MACROD2: variants seen among roughly 807,000 people sequenced by gnomAD.
MACROD2 encodes ADP-ribose glycohydrolase MACROD2.
Under a neutral mutation model 70.4 loss-of-function variants are expected in MACROD2, and 36 were observed. The ratio of observed to expected loss-of-function variants is 0.51; its 90% CI spans 0.39 to 0.68. MACROD2 has a LOEUF of 0.68. Ranked by LOEUF, MACROD2 falls within the 30% of genes least tolerant of loss-of-function variation. The probability of loss-of-function intolerance (pLI) is 0.00; values close to 1 mark genes in which losing one functional copy is unlikely to be tolerated. For missense variants in MACROD2, 496 were observed against 538.4 expected, an observed-to-expected ratio of 0.92 and a Z score of 0.78; for synonymous variants, 172 against 178.8, an observed-to-expected ratio of 0.96 and a Z score of 0.30.
chr20:15,701,945 T>C (rs904718374), intron 8 of MACROD2, among the ~76,000 whole-genome samples: 1 of 152,234 alleles, frequency 6.6e-6, no homozygotes, highest in Non-Finnish European at 1.5e-5. Context: ...ATTAATTTGC[T>C]TATGATAATG....
intron 5 of MACROD2, among the ~76,000 whole-genome samples, chr20:14,741,480 A>G (rs902012872): frequency 2.6e-5 from 4 of 152,252 alleles, no homozygotes; most frequent in African/African-American, 7.2e-5. Flanking sequence ...TCATTCTACT[A>G]TATGCAATCC....
intron 2 of MACROD2, among the ~76,000 whole-genome samples, chr20:14,077,899 T>C (rs1381043120): frequency 2.6e-5 from 4 of 151,072 alleles, no homozygotes; most frequent in African/African-American, 7.3e-5. Flanking sequence ...TTTTTCTTTT[T>C]TTTTTTTTTT....
chr20:14,897,950 TG>T (rs2073850132), intron 5 of MACROD2, among the ~76,000 whole-genome samples: 1 of 152,106 alleles, frequency 6.6e-6, no homozygotes, highest in South Asian at 2.1e-4. Flanking sequence ...TCTGCCCTCA[TG>T]AACCAATCAT....
At chr20:14,756,955 T>G (rs2071949337) in intron 5 of MACROD2, among the ~76,000 whole-genome samples, 1 of 152,090 alleles carries the variant, frequency 6.6e-6, no homozygotes, top group Non-Finnish European at 1.5e-5. Context: ...ATGTGAAGAA[T>G]GACATGTTTG....
intron 5 of MACROD2, among the ~76,000 whole-genome samples, chr20:15,137,532 G>A (rs1266782674): frequency 1.4e-3 from 185 of 133,080 alleles, no homozygotes; most frequent in African/African-American, 5.3e-3. Context: ...ACACAGGAAA[G>A]GGAACATCAC....
In MACROD2 at chr20:14,996,355, T is replaced by G. The variant is rs377666815; in HGVS notation, c.419-233585T>G. Among the ~76,000 whole-genome samples the G allele has an allele frequency of 3.3e-5, 5 of 152,266 alleles. No individual in the cohort carries two copies. The East Asian group carries it at 7.7e-4, about 24-fold the overall frequency. On this transcript the variant is annotated intron_variant, in intron 5 of 17. Transcript: ENST00000684519. ...CCTACCTCCAGGAATCTGTTACATC[T>G]GAGACCAGGAAGGAGCTGTGAACAT...
intron 5 of MACROD2, among the ~76,000 whole-genome samples, chr20:15,035,898 G>A (rs953281975): frequency 1.3e-5 from 2 of 151,454 alleles, no homozygotes; most frequent in East Asian, 3.9e-4. Flanking sequence ...TTTTCCTAGT[G>A]TCATTTCTTT....
intron 8 of MACROD2, among the ~76,000 whole-genome samples, chr20:15,824,810 G>A (rs1261802473): frequency 1.3e-5 from 2 of 152,140 alleles, no homozygotes; most frequent in South Asian, 2.1e-4. Context: ...GCCTGTGTGA[G>A]GACTTAATTC....
At chr20:14,767,839 G>A (rs1392529066) in intron 5 of MACROD2, among the ~76,000 whole-genome samples, 1 of 151,548 alleles carries the variant, frequency 6.6e-6, no homozygotes, top group Non-Finnish European at 1.5e-5. Flanking sequence ...CCCTCCCTGT[G>A]TCCATGTGTT....
chr20:15,203,179 C>A (rs1199969369), intron 5 of MACROD2, among the ~76,000 whole-genome samples: 1 of 152,034 alleles, frequency 6.6e-6, no homozygotes, highest in African/African-American at 2.4e-5. Flanking sequence ...CAAATATTTT[C>A]CACATTTTAG....
Position 15,662,910 on chromosome 20 carries a change from T to G in MACROD2, c.645+163063T>G, listed in dbSNP as rs143722023. On this transcript the variant is annotated intron_variant, in intron 8 of 17. Coordinates refer to ENST00000684519, the MANE Select transcript of MACROD2 (RefSeq NM_001351661.2). ...TGGGAAAATGCTACTTGTTCTCTTT[T>G]GTTCTTGTAATTCTTTTATACAAGT... Among the ~76,000 whole-genome samples, 531 of 152,316 alleles carry G rather than the reference T, an allele frequency of 3.5e-3. 3 individuals are homozygous for G. The highest frequency in any genetic ancestry group is 0.024 in the Middle Eastern group (7 of 294).
intron 6 of MACROD2, among the ~76,000 whole-genome samples, chr20:15,429,467 C>A (rs2046338548): frequency 1.3e-5 from 2 of 152,096 alleles, no homozygotes; most frequent in African/African-American, 4.8e-5. Flanking sequence ...TACAGACATA[C>A]AGTTGAGCTT....
intron 5 of MACROD2, among the ~76,000 whole-genome samples, chr20:14,981,841 T>C (rs2074803951): frequency 6.6e-6 from 1 of 152,090 alleles, no homozygotes; most frequent in East Asian, 1.9e-4. Flanking sequence ...TGCAGTAAAC[T>C]GGTACCAGTA....
rs1251238625 is a variant in MACROD2 at position 15,266,072 on chromosome 20, T to C, written c.540+36011T>C. On this transcript the variant is annotated intron_variant, in intron 6 of 17. Coordinates refer to ENST00000684519, the MANE Select transcript of MACROD2 (RefSeq NM_001351661.2). ...TACTTCAAAACCCCAATCTTTACAT[T>C]AAGACTTTGCTTGTAAATATTTACA... Among the ~76,000 whole-genome samples, 3 of 152,222 alleles carry C rather than the reference T, an allele frequency of 2.0e-5. No individual in the cohort carries two copies. The South Asian group carries it at 6.2e-4, about 32-fold the overall frequency.
At chr20:14,294,382 T>G (rs1308264110) in intron 3 of MACROD2, among the ~76,000 whole-genome samples, 1 of 151,260 alleles carries the variant, frequency 6.6e-6, no homozygotes, top group African/African-American at 2.4e-5. Context: ...ACAGCCTAAT[T>G]ACAATCTTCT....
chr20:14,236,532 G>A lies in MACROD2; in HGVS notation c.271+150804G>A, dbSNP rs74460016. Among the ~76,000 whole-genome samples, 144 of 151,504 alleles carry A rather than the reference G, an allele frequency of 9.5e-4. 1 individual carries two copies. The East Asian group carries it at 0.026, about 27-fold the overall frequency. The stretch of plus-strand genomic sequence containing the variant: ...CTTGCATTTAATATTTAGAAAATAC[G>A]AAAATGAAAGAATCAAATTAACAAA... On this transcript the variant is annotated intron_variant, in intron 3 of 17. Coordinates refer to ENST00000684519, the MANE Select transcript of MACROD2 (RefSeq NM_001351661.2).
intron 5 of MACROD2, among the ~76,000 whole-genome samples, chr20:14,943,208 G>T (rs1284121585): frequency 1.3e-5 from 2 of 152,186 alleles, no homozygotes; most frequent in African/African-American, 2.4e-5. Flanking sequence ...AGATATTTGC[G>T]AAGTGTAGAG....
chr20:15,849,430 C>T (rs952520729), intron 8 of MACROD2, among the ~76,000 whole-genome samples: 2 of 152,162 alleles, frequency 1.3e-5, no homozygotes, highest in African/African-American at 4.8e-5. Context: ...GTCGAGAAAA[C>T]GATAAGGCAC....
At chr20:15,456,847 T>C (rs2046733856) in intron 7 of MACROD2, among the ~76,000 whole-genome samples, 1 of 152,120 alleles carries the variant, frequency 6.6e-6, no homozygotes, top group African/African-American at 2.4e-5. Flanking sequence ...CATATTCTAA[T>C]GTACAGCCAG....
Sources: allele counts gnomAD v4.1 joint callset (sites outside exome capture counted in the v4.1 genomes callset), GRCh38; gene constraint gnomAD v4.1.1; transcripts MANE v1.5; gene names NCBI Gene and HGNC (gene_info 2026-07-23, HGNC 2026-07-21).